Variants in CACNA1A observed in about 807,000 individuals in gnomAD.
The protein encoded by CACNA1A is voltage-dependent P/Q-type calcium channel subunit alpha-1A.
Under a neutral mutation model 262.4 loss-of-function variants are expected in CACNA1A, and 57 were observed. The ratio of observed to expected loss-of-function variants is 0.22; its 90% CI spans 0.18 to 0.27. The LOEUF is 0.27. Ranked by LOEUF, CACNA1A falls within the 10% of genes least tolerant of loss-of-function variation. The pLI is 1.00. For missense variants in CACNA1A, 2,526 were observed against 3,562.8 expected (o/e 0.71, Z 7.41); for synonymous variants, 1,431 against 1,419.3 (o/e 1.01, Z -0.18).
At chr19:13,474,150 A>G (rs1447332916) in intron 1 of CACNA1A, among the ~76,000 whole-genome samples, 1 of 152,224 alleles carries the variant, frequency 6.6e-6, no homozygotes, top group Non-Finnish European at 1.5e-5. Flanking sequence ...AGCTTAATCA[A>G]TATGACAACA....
chr19:13,379,531 G>C (rs578128019), intron 3 of CACNA1A, among the ~76,000 whole-genome samples: 1 of 152,140 alleles, frequency 6.6e-6, no homozygotes, highest in Non-Finnish European at 1.5e-5. Context: ...GGGAAAGGAC[G>C]CGTCAGTGAC....
chr19:13,325,069 T>TC (rs2058331650), intron 10 of CACNA1A, among the ~76,000 whole-genome samples: 1 of 142,898 alleles, frequency 7.0e-6, no homozygotes, highest in Non-Finnish European at 1.5e-5. Flanking sequence ...CCCTTCCTCC[T>TC]CCTCTTCTTC....
At chr19:13,427,217 C>T (rs1337846324) in intron 3 of CACNA1A, among the ~76,000 whole-genome samples, 4 of 151,950 alleles carry the variant, frequency 2.6e-5, no homozygotes, top group East Asian at 1.9e-4. Flanking sequence ...TTTGGGGGGC[C>T]GAGATGGGCG....
chr19:13,434,417 G>C (rs1362510720), intron 3 of CACNA1A, among the ~76,000 whole-genome samples: 1 of 152,136 alleles, frequency 6.6e-6, no homozygotes, highest in East Asian at 1.9e-4. Flanking sequence ...ATGTACTTTG[G>C]ATCTGTGTCT....
At chr19:13,210,402 G>T (rs928690533) in intron 44 of CACNA1A, among the ~76,000 whole-genome samples, 3 of 152,190 alleles carry the variant, frequency 2.0e-5, no homozygotes, top group Non-Finnish European at 4.4e-5. Flanking sequence ...GTAGGGGTGA[G>T]GATGGGGATG....
intron 1 of CACNA1A, among the ~76,000 whole-genome samples, chr19:13,502,481 G>A (rs1278504483): frequency 1.3e-5 from 2 of 152,264 alleles, no homozygotes; most frequent in African/African-American, 4.8e-5. Flanking sequence ...GGGAACTCTA[G>A]GAAGGCTGAC....
intron 24 of CACNA1A, chr19:13,263,577 T>A (rs1376607850): frequency 6.5e-6 from 1 of 152,690 alleles, no homozygotes; most frequent in Non-Finnish European, 1.5e-5. Context: ...TGGAGTGCAA[T>A]GGTATGATCT....
At chr19:13,479,414 C>T (rs910638407) in intron 1 of CACNA1A, among the ~76,000 whole-genome samples, 2 of 152,130 alleles carry the variant, frequency 1.3e-5, no homozygotes, top group African/African-American at 4.8e-5. Context: ...GAGGAAACAG[C>T]CAGTGCAAAG....
intron 3 of CACNA1A, among the ~76,000 whole-genome samples, chr19:13,428,640 C>T (rs962805937): frequency 5.9e-5 from 9 of 151,980 alleles, no homozygotes; most frequent in South Asian, 2.1e-4. Context: ...ATAAGGAAAC[C>T]GCAGGTCAGA....
At chr19:13,222,208 A>C (rs2055257536) in intron 38 of CACNA1A, among the ~76,000 whole-genome samples, 1 of 151,370 alleles carries the variant, frequency 6.6e-6, no homozygotes, top group South Asian at 2.1e-4. Context: ...CACCCGGCTA[A>C]TTTTTGTATT....
chr19:13,444,692 T>A (rs1326427929), intron 3 of CACNA1A, among the ~76,000 whole-genome samples: 1 of 152,100 alleles, frequency 6.6e-6, no homozygotes, highest in Non-Finnish European at 1.5e-5. Flanking sequence ...ACCACTTCCA[T>A]TGCCCAAAAA....
At chr19:13,420,180 G>A (rs911928029) in intron 3 of CACNA1A, among the ~76,000 whole-genome samples, 1 of 151,698 alleles carries the variant, frequency 6.6e-6, no homozygotes, top group African/African-American at 2.4e-5. Flanking sequence ...AACCCCATGG[G>A]CTGGCCATCT....
chr19:13,405,494 T>C (rs1279611446), intron 3 of CACNA1A, among the ~76,000 whole-genome samples: 2 of 152,160 alleles, frequency 1.3e-5, no homozygotes, highest in Admixed American at 6.6e-5. Context: ...GTGTGAGCCA[T>C]TGCTCCTGGC....
chr19:13,338,267 A>G (rs1418065689), intron 6 of CACNA1A, among the ~76,000 whole-genome samples: 1 of 151,646 alleles, frequency 6.6e-6, no homozygotes, highest in Non-Finnish European at 1.5e-5. Context: ...ACTGTATGAT[A>G]ATCACTGTTA....
intron 1 of CACNA1A, among the ~76,000 whole-genome samples, chr19:13,499,080 C>G (rs1038955987): frequency 6.6e-6 from 1 of 151,994 alleles, no homozygotes; most frequent in African/African-American, 2.4e-5. Context: ...TACCTAAATT[C>G]TAAACCAAAA....
intron 43 of CACNA1A, chr19:13,211,851 C>T (rs149190318): frequency 4.6e-4 from 207 of 454,788 alleles, no homozygotes; most frequent in African/African-American, 2.8e-3. Context: ...GACCATTTTG[C>T]AGTGGCCACT....
chr19:13,497,569 TATATATATATAA>T (rs1361155410), intron 1 of CACNA1A, among the ~76,000 whole-genome samples: 4 of 34,974 alleles, frequency 1.1e-4, no homozygotes, highest in African/African-American at 3.4e-4. Context: ...TATATATATA[TATATATATATAA>T]ATTTATGTTG....
intron 6 of CACNA1A, among the ~76,000 whole-genome samples, chr19:13,353,299 GT>G (rs57554463): frequency 0.02 from 2,765 of 135,048 alleles, 39 homozygotes; most frequent in Middle Eastern, 0.037. Flanking sequence ...TTGTATTTTT[GT>G]TTTTTTTTTT....
At position 13,231,761 on chromosome 19, in the gene CACNA1A, A is replaced by G; in HGVS notation, c.5349T>C (p.Asn1783=). Residue 1783 remains asparagine, a synonymous_variant, in exon 35 of 47, where the codon AAT becomes AAC. Transcript: ENST00000360228. ...NSGILTRECG[N]EFAYFYFVSF... is the part of the protein sequence containing the mutation. ...AAACAAAGTAAAAATAAGCAAATTC[A>G]TTGCCACACTCTCGAGTCAGGATGC... The G allele has an allele frequency of 6.2e-7, 1 of 1,613,828 alleles. No individual in the cohort carries two copies. The highest frequency in any genetic ancestry group is 8.5e-7 in the Non-Finnish European group (1 of 1,179,818).
Sources: gnomAD v4.1 joint callset for allele counts (sites outside exome capture counted in the v4.1 genomes callset) on GRCh38, gnomAD v4.1.1 for gene constraint, MANE v1.5 for transcripts, NCBI Gene and HGNC (gene_info 2026-07-23, HGNC 2026-07-21) for gene names.